The following DNAH11 variants were observed in gnomAD, a reference collection of about 807,000 sequenced individuals.
DNAH11 encodes the protein dynein axonemal heavy chain 11.
DNAH11 carries 442 observed loss-of-function variants against 526.0 expected under a neutral mutation model. The observed-to-expected ratio is 0.84, with a 90% CI of 0.78 to 0.91. DNAH11 has a LOEUF of 0.91. DNAH11 is among the 40% of genes least tolerant of loss of function. The probability of loss-of-function intolerance (pLI) is 0.00; values close to 1 mark genes in which losing one functional copy is unlikely to be tolerated. For missense variants in DNAH11, 6,989 were observed against 5,448.7 expected, an observed-to-expected ratio of 1.28 and a Z score of -8.90; for synonymous variants, 2,461 against 1,935.9, an observed-to-expected ratio of 1.27 and a Z score of -7.12.
At chr7:21,848,813 T>G (rs1782516929) in intron 66 of DNAH11, among the ~76,000 whole-genome samples, 1 of 152,188 alleles carries the variant, frequency 6.6e-6, no homozygotes, top group South Asian at 2.1e-4. Context: ...TAAATTGTAT[T>G]TCTTTTAAAA....
intron 28 of DNAH11, among the ~76,000 whole-genome samples, chr7:21,652,986 C>G (rs1307772402): frequency 6.6e-6 from 1 of 152,100 alleles, no homozygotes; most frequent in Non-Finnish European, 1.5e-5. Context: ...AAGTGATTCT[C>G]CAGCCTCAGC....
intron 9 of DNAH11, among the ~76,000 whole-genome samples, chr7:21,586,321 A>G (rs1441002388): frequency 6.6e-6 from 1 of 152,230 alleles, no homozygotes; most frequent in Non-Finnish European, 1.5e-5. Flanking sequence ...TAAATACATA[A>G]GGCAATGTTT....
intron 30 of DNAH11, among the ~76,000 whole-genome samples, chr7:21,674,028 T>TTGTGTGTGTGTGTGTGTGTG (rs59263134): frequency 7.3e-6 from 1 of 137,252 alleles, no homozygotes; most frequent in African/African-American, 2.6e-5. Context: ...CTGTTTTGTT[T>TTGTGTGTGTGTGTGTGTGTG]TGTGTGTGTG....
intron 66 of DNAH11, among the ~76,000 whole-genome samples, chr7:21,846,812 C>T (rs1433121322): frequency 6.6e-6 from 1 of 152,054 alleles, no homozygotes; most frequent in African/African-American, 2.4e-5. Context: ...CTCTTTTCTT[C>T]CAGTGAAATC....
chr7:21,842,506 T>C (rs1782245883), intron 65 of DNAH11, 38 bp from the exon 66 acceptor site: 1 of 1,557,874 alleles, frequency 6.4e-7, no homozygotes, highest in Non-Finnish European at 8.8e-7. Flanking sequence ...TTATGGGTCA[T>C]AGGAGTCTCC....
intron 42 of DNAH11, among the ~76,000 whole-genome samples, chr7:21,712,571 A>C (rs923601905): frequency 6.6e-6 from 1 of 152,202 alleles, no homozygotes; most frequent in Admixed American, 6.5e-5. Context: ...AGCCATGCTA[A>C]TGGGCATGAG....
Position 21,892,503 on chromosome 7 carries a change from G to A in DNAH11, c.12586G>A (p.Glu4196Lys). The A allele has an allele frequency of 6.2e-7, 1 of 1,613,896 alleles. No individual in the cohort carries two copies. Among genetic ancestry groups the A allele is most frequent in the Non-Finnish European group, 8.5e-7 (1 of 1,179,868 alleles). ...TTATGCAGGCTACCACCAGTACATAGAGGAGATGCTTCCTCCAGAAAGCCC... is the reference window on the plus strand; with the variant it reads ...TTATGCAGGCTACCACCAGTACATAAAGGAGATGCTTCCTCCAGAAAGCCC... ...LDYAGYHQYI[E>K]EMLPPESPAL... Residue 4196 changes from glutamate to lysine, a missense_variant, in exon 77 of 82, where the codon GAG becomes AAG. By Grantham distance (56) the Glu-to-Lys change is moderately conservative. Transcript: ENST00000409508.
chr7:21,588,299 T>C (rs1784544400), intron 10 of DNAH11, 98 bp downstream of exon 10: 7 of 1,429,226 alleles, frequency 4.9e-6, no homozygotes, highest in East Asian at 2.3e-5. Context: ...AGATTAGATA[T>C]AGGCACTACA....
At chr7:21,625,320 T>G (rs1464246456) in intron 25 of DNAH11, among the ~76,000 whole-genome samples, 4 of 152,140 alleles carry the variant, frequency 2.6e-5, no homozygotes, top group Non-Finnish European at 5.9e-5. Flanking sequence ...TTCATAGTAG[T>G]CTCTTATGAT....
In DNAH11 at chr7:21,786,646, C is replaced by A; in HGVS notation, c.9620C>A (p.Ala3207Asp). The change falls in exon 59 of 82, where the codon GCC becomes GAC. Residue 3207 changes from alanine to aspartate, a missense_variant. Coordinates refer to ENST00000409508, the MANE Select transcript of DNAH11 (RefSeq NM_001277115.2). ...CAGGTCAACCTCAGTGAGCTGAAAG[C>A]CTTTCCCAACCCTCCCATCGCAGTT... The part of the protein sequence containing the change: ...LNRVNLSELK[A>D]FPNPPIAVTN... The A allele has an allele frequency of 6.2e-7, 1 of 1,613,212 alleles. No individual in the cohort carries two copies. Among genetic ancestry groups the A allele is most frequent in the Non-Finnish European group, 8.5e-7 (1 of 1,179,370 alleles).
intron 76 of DNAH11, 82 bp downstream of exon 76, chr7:21,884,492 A>C: frequency 7.2e-7 from 1 of 1,382,202 alleles, no homozygotes; most frequent in South Asian, 1.5e-5. Context: ...TAATTATACT[A>C]TGGGCAATTC....
chr7:21,580,896 G>C (rs1182200618), intron 8 of DNAH11, among the ~76,000 whole-genome samples: 6 of 152,172 alleles, frequency 3.9e-5, no homozygotes, highest in African/African-American at 1.4e-4. Context: ...AGGTTGCCTG[G>C]CTTTAAATTC....
Position 21,801,195 on chromosome 7 carries a change from A to C in DNAH11, c.10085A>C (p.Lys3362Thr), listed in dbSNP as rs756499246. The C allele has an allele frequency of 5.6e-6, 9 of 1,613,294 alleles. No homozygotes were observed. The Admixed American group carries it at 1.5e-4, about 27-fold the overall frequency. The stretch of plus-strand genomic sequence containing the variant: ...TCATTTGAAAAAGCAACAGCTGAGA[A>C]AGTCCGGTGTCAAGAAGAGGTGAAC... Reference protein sequence around the residue: ...TASFEKATAEKVRCQEEVNQT... With the variant: ...TASFEKATAETVRCQEEVNQT... The change falls in exon 62 of 82, where the codon AAA (lysine) becomes ACA (threonine). Residue 3362 changes from lysine to threonine, a missense_variant. By Grantham distance (78) the Lys-to-Thr change is moderately conservative (BLOSUM62 -1). Coordinates refer to ENST00000409508, the MANE Select transcript of DNAH11 (RefSeq NM_001277115.2).
intron 55 of DNAH11, among the ~76,000 whole-genome samples, chr7:21,767,743 T>C (rs1424296128): frequency 1.3e-5 from 2 of 152,228 alleles, no homozygotes; most frequent in African/African-American, 4.8e-5. Context: ...CATGGTCTTC[T>C]AAAAACCTGT....
At chr7:21,805,215 G>T (rs1372253021) in intron 62 of DNAH11, among the ~76,000 whole-genome samples, 2 of 152,068 alleles carry the variant, frequency 1.3e-5, no homozygotes. Context: ...TTCTCCACTT[G>T]CTCTGTTAAC....
chr7:21,847,877 T>A (rs1414607915), intron 66 of DNAH11, among the ~76,000 whole-genome samples: 4 of 152,136 alleles, frequency 2.6e-5, no homozygotes, highest in African/African-American at 4.8e-5. Context: ...AAGATTATTA[T>A]GCTTTCGACC....
intron 30 of DNAH11, among the ~76,000 whole-genome samples, chr7:21,668,080 A>C (rs1370425595): frequency 6.6e-6 from 1 of 152,172 alleles, no homozygotes; most frequent in African/African-American, 2.4e-5. Flanking sequence ...TTGATAGAAA[A>C]ACCACACAAA....
intron 35 of DNAH11, 103 bp from the exon 36 acceptor site, chr7:21,697,972 T>C: frequency 1.6e-6 from 2 of 1,214,452 alleles, no homozygotes; most frequent in Admixed American, 2.4e-5. Context: ...ATGATCTGCT[T>C]AGGAATGGTT....
At chr7:21,778,892 AT>A (rs1199672345) in intron 56 of DNAH11, 65 bp from the exon 57 acceptor site, 5 of 1,558,730 alleles carry the variant, frequency 3.2e-6, no homozygotes, top group Non-Finnish European at 4.4e-6. Flanking sequence ...ATTCCCAGCA[AT>A]AAGCTCTATC....
Sources: gnomAD v4.1 joint callset for allele counts (sites outside exome capture counted in the v4.1 genomes callset) on GRCh38, gnomAD v4.1.1 for gene constraint, MANE v1.5 for transcripts, NCBI Gene and HGNC (gene_info 2026-07-23, HGNC 2026-07-21) for gene names.